The following RPA1 variants were observed in gnomAD, a reference collection of about 807,000 sequenced individuals.
RPA1 encodes the protein replication protein A1.
Under a neutral mutation model 83.0 loss-of-function variants are expected in RPA1, and 49 were observed. The ratio of observed to expected loss-of-function variants is 0.59; its 90% confidence interval spans 0.47 to 0.75. RPA1 has a LOEUF of 0.75. Among genes scored for constraint, RPA1 ranks in the 30% least tolerant of loss-of-function variants. The pLI is 0.00. For synonymous variants in RPA1, 279 were observed against 281.8 expected (o/e 0.99, Z 0.10); for missense variants, 693 against 776.1 (o/e 0.89, Z 1.27).
intron 1 of RPA1, among the ~76,000 whole-genome samples, chr17:1,842,190 ACAT>A (rs368715183): frequency 6.3e-4 from 96 of 152,134 alleles, no homozygotes; most frequent in African/African-American, 2.2e-3. Context: ...AGTAAACCTA[ACAT>A]CATAAAATGA....
At chr17:1,870,580 C>T (rs1913340077) in intron 5 of RPA1, among the ~76,000 whole-genome samples, 1 of 152,218 alleles carries the variant, frequency 6.6e-6, no homozygotes, top group Admixed American at 6.5e-5. Context: ...AGAACTTTTT[C>T]ATCATCCCAA....
intron 1 of RPA1, 111 bp downstream of exon 1, chr17:1,830,237 GA>G: frequency 5.2e-6 from 4 of 770,126 alleles, no homozygotes; most frequent in East Asian, 3.5e-5. Flanking sequence ...AACGCGAGGG[GA>G]GGAGATGGCG....
intron 5 of RPA1, among the ~76,000 whole-genome samples, chr17:1,871,543 A>G (rs1291554529): frequency 6.6e-6 from 1 of 152,170 alleles, no homozygotes; most frequent in East Asian, 1.9e-4. Context: ...GTGTGCTGCA[A>G]GTACCCTTGG....
At chr17:1,879,083 A>T in intron 9 of RPA1, 22 bp downstream of exon 9, 1 of 1,614,072 alleles carries the variant, frequency 6.2e-7, no homozygotes, top group African/African-American at 1.3e-5. Context: ...CTGACTTTAG[A>T]ACTGACACCG....
At chr17:1,877,460 A>G in intron 8 of RPA1, 146 bp downstream of exon 8, 1 of 667,118 alleles carries the variant, frequency 1.5e-6, no homozygotes, top group Non-Finnish European at 2.7e-6. Flanking sequence ...CAGAAGGCTC[A>G]GCTCTGCGGG....
chr17:1,857,006 T>C (rs1022359660), intron 5 of RPA1, among the ~76,000 whole-genome samples: 4 of 152,012 alleles, frequency 2.6e-5, no homozygotes, highest in African/African-American at 9.7e-5. Context: ...GTTTTGTATA[T>C]TTTTTTCTCG....
rs150793612 is a variant in RPA1 at position 1,851,333 on chromosome 17, TG to T, written c.273-1767del. ...ATCAGAATCCAAAATAAGTTTCCTG[TG>T]ACGGTAGATTGATGGTCTGTTAAGT... On this transcript the variant is annotated intron_variant, in intron 4 of 16. Coordinates refer to ENST00000254719, the MANE Select transcript of RPA1 (RefSeq NM_002945.5). Among the ~76,000 whole-genome samples, 1,481 of 152,272 alleles carry T rather than the reference TG, an allele frequency of 9.7e-3. 35 individuals are homozygous for T. The highest frequency in any genetic ancestry group is 0.033 in the African/African-American group (1,390 of 41,536).
chr17:1,866,285 A>G (rs1913171462), intron 5 of RPA1, among the ~76,000 whole-genome samples: 1 of 151,528 alleles, frequency 6.6e-6, no homozygotes, highest in African/African-American at 2.4e-5. Flanking sequence ...AGATAATCCC[A>G]TATACTTGTA....
chr17:1,854,933 T>G (rs4435293), intron 5 of RPA1, among the ~76,000 whole-genome samples: 85,830 of 152,092 alleles, frequency 0.56, 26,151 homozygotes, highest in Non-Finnish European at 0.69. Flanking sequence ...TATCTTTGTC[T>G]TGTTCCTGAT....
chr17:1,872,090 A>G (rs1214012215), intron 5 of RPA1: 4 of 275,192 alleles, frequency 1.5e-5, no homozygotes, highest in Non-Finnish European at 2.9e-5. Context: ...ATTTGTTGCT[A>G]TGGAAATAGT....
chr17:1,841,713 T>G (rs529782751), intron 1 of RPA1, among the ~76,000 whole-genome samples: 13 of 152,340 alleles, frequency 8.5e-5, no homozygotes, highest in Non-Finnish European at 1.5e-4. Flanking sequence ...ATTCCCAATC[T>G]TAGTAGCATA....
chr17:1,862,165 T>C (rs1215485791), intron 5 of RPA1, among the ~76,000 whole-genome samples: 1 of 150,732 alleles, frequency 6.6e-6, no homozygotes, highest in Non-Finnish European at 1.5e-5. Flanking sequence ...GTGCTGGGAT[T>C]ACAGGCGTGA....
At chr17:1,875,897 T>TA in intron 7 of RPA1, 104 bp downstream of exon 7, 1 of 1,080,988 alleles carries the variant, frequency 9.3e-7, no homozygotes, top group Non-Finnish European at 1.2e-6. Context: ...CACCACCAAA[T>TA]ACCACCAAAT....
intron 4 of RPA1, 148 bp from the exon 5 acceptor site, chr17:1,852,953 G>A (rs113349993): frequency 2.8e-5 from 18 of 638,332 alleles, no homozygotes; most frequent in African/African-American, 9.2e-5. Flanking sequence ...ATAATGATGC[G>A]GCGAAAGATG....
At chr17:1,883,661 A>G (rs2151288956) in intron 12 of RPA1, 151 bp from the exon 13 acceptor site, 1 of 623,742 alleles carries the variant, frequency 1.6e-6, no homozygotes, top group South Asian at 4.7e-5. Context: ...AATTACGAAG[A>G]TACCAGCTTC....
chr17:1,893,538 C>T (rs1914276584), intron 15 of RPA1, among the ~76,000 whole-genome samples: 1 of 152,242 alleles, frequency 6.6e-6, no homozygotes, highest in South Asian at 2.1e-4. Context: ...GCAAAAAACA[C>T]TAGGTTGGTG....
intron 4 of RPA1, among the ~76,000 whole-genome samples, chr17:1,849,167 G>A (rs556926386): frequency 2.0e-5 from 3 of 151,940 alleles, no homozygotes; most frequent in South Asian, 2.1e-4. Context: ...GTTTCTCCCC[G>A]TTCTTGCCAG....
chr17:1,873,986 C>CT (rs1913475182), intron 6 of RPA1, among the ~76,000 whole-genome samples: 1 of 95,242 alleles, frequency 1.0e-5, no homozygotes, highest in Admixed American at 1.3e-4. Flanking sequence ...AAGTGAGACT[C>CT]TGTCTCAAAA....
At position 1,838,973 on chromosome 17, in the gene RPA1, C is replaced by T. The variant is rs199548399; in HGVS notation, c.34-3830C>T. On this transcript the variant is annotated intron_variant, in intron 1 of 16. Transcript: ENST00000254719. Reference sequence around the variant, plus strand: ...TCACAGCATTCTCCTGCCTCAGCCTCCCGAGTAGCTGGGACTACAGGCACC... The same window carrying T: ...TCACAGCATTCTCCTGCCTCAGCCTTCCGAGTAGCTGGGACTACAGGCACC... 6.6e-5 allele frequency among the ~76,000 whole-genome samples: 10 copies of T among 152,190 alleles called. No individual in the cohort carries two copies. In the East Asian group the frequency reaches 1.9e-3, roughly 30 times the overall value.
Sources: gnomAD v4.1 joint callset for allele counts (sites outside exome capture counted in the v4.1 genomes callset) on GRCh38, gnomAD v4.1.1 for gene constraint, MANE v1.5 for transcripts, NCBI Gene and HGNC (gene_info 2026-07-23, HGNC 2026-07-21) for gene names.